OTUD4: variants seen among roughly 807,000 people sequenced by gnomAD.
OTUD4 encodes the protein OTU deubiquitinase 4.
A neutral mutation model predicts 130.4 loss-of-function variants in OTUD4; 24 were observed. The observed-to-expected ratio is 0.18, with a 90% CI of 0.13 to 0.26. The LOEUF is 0.26. OTUD4 is among the 10% of genes least tolerant of loss of function. OTUD4 has a pLI of 1.00. For missense variants in OTUD4, 1,031 were observed against 1,329.4 expected, an observed-to-expected ratio of 0.78 and a Z score of 3.49; for synonymous variants, 420 against 472.5, an observed-to-expected ratio of 0.89 and a Z score of 1.44.
At chr4:145,142,855 G>GT (rs1397546362) in intron 17 of OTUD4, among the ~76,000 whole-genome samples, 1 of 152,128 alleles carries the variant, frequency 6.6e-6, no homozygotes, top group African/African-American at 2.4e-5. Flanking sequence ...CTCTACTCTT[G>GT]TATTAGTCAA....
At chr4:145,178,392 C>G (rs1192264714) in intron 1 of OTUD4, 1 of 152,210 alleles carries the variant, frequency 6.6e-6, no homozygotes, top group Non-Finnish European at 1.5e-5. Context: ...TCTAACAGTA[C>G]GTTATAAATA....
At position 145,150,686 on chromosome 4, in the gene OTUD4, T is replaced by A; in HGVS notation, c.1086A>T (p.Arg362Ser). 1 of 1,607,666 alleles carries A rather than the reference T, an allele frequency of 6.2e-7. No homozygotes were observed. The highest frequency in any genetic ancestry group is 1.1e-5 in the South Asian group (1 of 90,900). Residue 362 changes from arginine (R) to serine (S), a missense_variant, in exon 13 of 21, where the codon AGA becomes AGT. Transcript: ENST00000447906. ...TTGGCTTGCTTGGATTCTTTGGCCC[T>A]CTGTAATCCACATCTGTTGTAAGAA... ...GQNFHSDVDY[R>S]GPKNPSKPIK...
Position 145,143,416 on chromosome 4 carries a change from A to G in OTUD4, c.1632T>C (p.Val544=), listed in dbSNP as rs1750656271. 4 of 1,610,688 alleles carry G rather than the reference A, an allele frequency of 2.5e-6. No individual in the cohort carries two copies. Among genetic ancestry groups the G allele is most frequent in the Non-Finnish European group, 3.4e-6 (4 of 1,177,248 alleles). ...ACTTCTTTGACTTTGATGGTGATGA[A>G]ACTGTTGCATATTTATCATCAGTAA... is the stretch of plus-strand genomic sequence containing the variant. ...ENITDDKYAT[V]SSPSKSKKLE... Residue 544 remains valine (V), a synonymous_variant, in exon 17 of 21, where the codon GTT becomes GTC. Transcript: ENST00000447906.
chr4:145,159,282 T>C, intron 7 of OTUD4: 1 of 1,347,564 alleles, frequency 7.4e-7, no homozygotes, highest in South Asian at 1.6e-5. Context: ...ACGTAAATTC[T>C]CATCAACCAA....
At chr4:145,179,107 T>C (rs1337163173) in intron 1 of OTUD4, among the ~76,000 whole-genome samples, 3 of 152,186 alleles carry the variant, frequency 2.0e-5, no homozygotes, top group East Asian at 1.9e-4. Context: ...AGCAACTGTG[T>C]TAGAAAATGG....
At chr4:145,152,048 T>G (rs1751091205) in intron 11 of OTUD4, among the ~76,000 whole-genome samples, 1 of 152,068 alleles carries the variant, frequency 6.6e-6, no homozygotes, top group African/African-American at 2.4e-5. Flanking sequence ...ACAAATAATC[T>G]TCATTTAAAG....
intron 17 of OTUD4, 96 bp downstream of exon 17, chr4:145,143,269 C>T (rs1750648574): frequency 4.5e-6 from 3 of 663,690 alleles, no homozygotes. Flanking sequence ...CTCCCATTTC[C>T]CATACTGATG....
chr4:145,153,424 C>T (rs1056959416), intron 10 of OTUD4, among the ~76,000 whole-genome samples: 8 of 152,112 alleles, frequency 5.3e-5, no homozygotes, highest in African/African-American at 9.7e-5. Flanking sequence ...ATAGTACCTA[C>T]GTCACAGAAC....
rs869137336 is a variant in OTUD4, at chr4:145,159,130, AAG to A, written c.629+371_629+372del. ...CACTACCTAAGAAAGAAAACAATAA[AAG>A]AAAGTGAAGGAAATCCAAACGGCCA... On this transcript the variant is annotated intron_variant, in intron 7 of 20. Coordinates refer to ENST00000447906, the MANE Select transcript of OTUD4 (RefSeq NM_001366057.1). The A allele has an allele frequency of 3.1e-5, 32 of 1,042,164 alleles. 1 individual carries two copies. Among genetic ancestry groups the A allele is most frequent in the Non-Finnish European group, 8.1e-6 (7 of 869,018 alleles). The allele number at this position is 1,042,164 out of a possible 1,614,324, so 64.6% of individuals were successfully genotyped here.
chr4:145,150,750 C>A (rs1158148712), intron 12 of OTUD4, 51 bp from the exon 13 acceptor site: 3 of 1,606,198 alleles, frequency 1.9e-6, no homozygotes, highest in East Asian at 4.5e-5. Context: ...ATAAACAATC[C>A]CAAGTACCAT....
rs1750715890 is a variant in OTUD4 at position 145,144,227 on chromosome 4, AGGG to A, written c.1546+81_1546+83del. On this transcript the variant is annotated intron_variant, in intron 15 of 20. Transcript: ENST00000447906. ...AGATAAACTACTTAACAACTTAAAAAGGGTTCTTTCCCAAATATATGACATTAA... is the reference window on the plus strand; with the variant it reads ...AGATAAACTACTTAACAACTTAAAAATTCTTTCCCAAATATATGACATTAA... 9.0e-5 allele frequency: 130 copies of A among 1,437,362 alleles called. No homozygotes were observed. The South Asian group carries it at 1.4e-3, about 15-fold the overall frequency. The allele number at this position is 1,437,362 out of a possible 1,614,324, so 89.0% of individuals were successfully genotyped here. A position where few individuals can be genotyped will look rare whatever the true frequency, so the allele number is the denominator to read the frequency against.
At position 145,141,637 on chromosome 4, in the gene OTUD4, C is replaced by T; in HGVS notation, c.1825G>A (p.Val609Ile). The T allele has an allele frequency of 6.5e-7, 1 of 1,529,166 alleles. No homozygotes were observed. Among genetic ancestry groups the T allele is most frequent in the Non-Finnish European group, 8.8e-7 (1 of 1,140,458 alleles). The allele number at this position is 1,529,166 out of a possible 1,614,324, so 94.7% of individuals were successfully genotyped here. The change falls in exon 19 of 21, where the codon GTC (valine) becomes ATC (isoleucine). Residue 609 changes from valine (V) to isoleucine (I), a missense_variant and splice_region_variant. This residue lies in a region of OTUD4 where 900 missense variants were observed against 1,095.9 expected (regional missense o/e 0.82). Transcript: ENST00000447906. ...GACAAAACGGGAATTGGAGCAGGGA[C>T]ACCTACAAAAGAGAAGAAAAGGAAT... is the stretch of plus-strand genomic sequence containing the variant. ...SEPTTFGPTG[V>I]PAPIPVLSVT... is the part of the protein sequence containing the mutation.
At chr4:145,176,877 C>T (rs904731816) in intron 1 of OTUD4, among the ~76,000 whole-genome samples, 2 of 152,304 alleles carry the variant, frequency 1.3e-5, no homozygotes, top group Non-Finnish European at 1.5e-5. Flanking sequence ...TGTCCTATTA[C>T]GCTGAGATAC....
chr4:145,156,095 C>CA (rs1271825495), intron 7 of OTUD4, 99 bp from the exon 8 acceptor site: 4 of 874,356 alleles, frequency 4.6e-6, no homozygotes, highest in African/African-American at 3.4e-5. Context: ...AACTATGCTC[C>CA]AAAAAGAGCT....
intron 11 of OTUD4, among the ~76,000 whole-genome samples, chr4:145,151,277 A>G (rs1751055134): frequency 6.6e-6 from 1 of 152,214 alleles, no homozygotes; most frequent in Non-Finnish European, 1.5e-5. Flanking sequence ...TGATGTTTGG[A>G]TTCCTTCAAA....
Position 145,179,957 on chromosome 4 carries a change from C to G in OTUD4, c.17G>C (p.Gly6Ala). The change falls in exon 1 of 21, where the codon GGC becomes GCC. Residue 6 changes from glycine (G) to alanine (A), a missense_variant. Gly to Ala is a moderately conservative substitution (Grantham distance 60, BLOSUM62 0). Around this residue, in one of 3 missense-constraint regions of OTUD4, gnomAD observed 54 missense variants for 60.6 expected, o/e 0.89. Coordinates refer to ENST00000447906, the MANE Select transcript of OTUD4 (RefSeq NM_001366057.1). The part of the protein sequence containing the change: MEAAV[G>A]VPDGGDQGGA... ...GCCCTGGTCCCCGCCGTCGGGGACG[C>G]CGACGGCAGCCTCCATGTTGCTGGT... 3.3e-6 allele frequency: 5 copies of G among 1,519,808 alleles called. No homozygotes were observed. Among genetic ancestry groups the G allele is most frequent in the Non-Finnish European group, 3.5e-6 (4 of 1,141,060 alleles). The allele number at this position is 1,519,808 out of a possible 1,614,324, so 94.1% of individuals were successfully genotyped here.
At chr4:145,168,285 C>T (rs1178097466) in intron 3 of OTUD4, among the ~76,000 whole-genome samples, 2 of 151,292 alleles carry the variant, frequency 1.3e-5, no homozygotes, top group Admixed American at 6.6e-5. Context: ...GAGGCTGAGG[C>T]AGGGGAATCA....
At chr4:145,158,482 A>AAAAAC (rs772004391) in intron 7 of OTUD4, among the ~76,000 whole-genome samples, 4 of 152,008 alleles carry the variant, frequency 2.6e-5, no homozygotes, top group East Asian at 1.9e-4. Flanking sequence ...ACTCCGATTC[A>AAAAAC]AAAACAAAAC....
In OTUD4 at chr4:145,141,395, C is replaced by T. The variant is rs377468177; in HGVS notation, c.2067G>A (p.Gly689=). ...GGAGCTCACCTTTAGGTAGGTCCTC[C>T]CCAGTCTGACACAGTGAATAAGGTG... ...IVPPYSLCQT[G]EDLPKDKNIL... Residue 689 remains glycine (G), a synonymous_variant, in exon 19 of 21, where the codon GGG becomes GGA. Transcript: ENST00000447906. The T allele has an allele frequency of 5.6e-6, 9 of 1,607,990 alleles. No homozygotes were observed. Among genetic ancestry groups the T allele is most frequent in the Non-Finnish European group, 6.8e-6 (8 of 1,177,302 alleles).
Sources: allele counts gnomAD v4.1 joint callset (sites outside exome capture counted in the v4.1 genomes callset), GRCh38; gene constraint gnomAD v4.1.1; regional missense constraint gnomAD v4.1.1; transcripts MANE v1.5; gene names NCBI Gene and HGNC (gene_info 2026-07-23, HGNC 2026-07-21).